Variants in CLDN10 observed in about 807,000 individuals in gnomAD.
The protein encoded by CLDN10 is claudin-10.
A neutral mutation model predicts 22.9 loss-of-function variants in CLDN10; 15 were observed. The observed-to-expected ratio is 0.65, with a 90% CI of 0.44 to 1.01. The LOEUF (loss-of-function observed/expected upper bound fraction) is 1.01, where lower values mean the gene tolerates loss of function less well. Ranked by LOEUF, CLDN10 falls within the 50% of genes least tolerant of loss-of-function variation. The probability of loss-of-function intolerance (pLI) is 0.00; values close to 1 mark genes in which losing one functional copy is unlikely to be tolerated. For missense variants in CLDN10, 247 were observed against 287.8 expected (o/e 0.86, Z 1.03); for synonymous variants, 114 against 111.4 (o/e 1.02, Z -0.15).
At chr13:95,462,114 T>C (rs1222171515) in intron 1 of CLDN10, among the ~76,000 whole-genome samples, 1 of 152,000 alleles carries the variant, frequency 6.6e-6, no homozygotes, top group Non-Finnish European at 1.5e-5. Context: ...AAATAAACAC[T>C]TTACATGCAG....
At chr13:95,498,439 G>A (rs367814052) in intron 1 of CLDN10, among the ~76,000 whole-genome samples, 36 of 152,218 alleles carry the variant, frequency 2.4e-4, no homozygotes, top group African/African-American at 7.5e-4. Flanking sequence ...CTGTTGCCCA[G>A]GCTGGAGTGC....
chr13:95,480,123 G>A (rs549878546), intron 1 of CLDN10, among the ~76,000 whole-genome samples: 23 of 152,158 alleles, frequency 1.5e-4, no homozygotes, highest in Admixed American at 1.1e-3. Context: ...GTGCGGGGGA[G>A]CTCCTTCTTA....
chr13:95,518,241 T>C (rs4558269), intron 1 of CLDN10, among the ~76,000 whole-genome samples: 131,385 of 152,144 alleles, frequency 0.86, 56,925 homozygotes, highest in East Asian at 0.96. Flanking sequence ...TGTTTAGTCG[T>C]TATTCTTTTT....
At position 95,514,386 on chromosome 13, in the gene CLDN10, C is replaced by A. The variant is rs1379573193; in HGVS notation, c.215-45746C>A. Among the ~76,000 whole-genome samples the A allele has an allele frequency of 3.3e-5, 5 of 152,030 alleles. No individual in the cohort carries two copies. In the South Asian group the frequency reaches 1.0e-3, roughly 32 times the overall value. ...AAACGTTAACAATCAGGGATTCCCCCACCTACCCCACCCACCCCACCCTCA... is the reference window on the plus strand; with the variant it reads ...AAACGTTAACAATCAGGGATTCCCCAACCTACCCCACCCACCCCACCCTCA... On this transcript the variant is annotated intron_variant, in intron 1 of 4. Coordinates refer to the CLDN10 transcript ENST00000376873.
intron 1 of CLDN10, among the ~76,000 whole-genome samples, chr13:95,538,145 G>GTTTC (rs144300567): frequency 1.5e-4 from 16 of 109,680 alleles, no homozygotes; most frequent in African/African-American, 4.9e-4. Context: ...TTGACAAACT[G>GTTTC]TTTATTTCTT....
At chr13:95,441,816 C>A (rs1256038690) in intron 1 of CLDN10, among the ~76,000 whole-genome samples, 1 of 152,100 alleles carries the variant, frequency 6.6e-6, no homozygotes, top group Non-Finnish European at 1.5e-5. Context: ...GGTCTTAATC[C>A]CTCTGAGCTT....
chr13:95,497,379 A>C (rs1356436854), intron 1 of CLDN10, among the ~76,000 whole-genome samples: 1 of 152,200 alleles, frequency 6.6e-6, no homozygotes, highest in Admixed American at 6.6e-5. Flanking sequence ...AGCATGAGCC[A>C]GGAATCAGAA....
intron 1 of CLDN10, among the ~76,000 whole-genome samples, chr13:95,464,048 T>C (rs1402366886): frequency 6.6e-6 from 1 of 151,832 alleles, no homozygotes; most frequent in Non-Finnish European, 1.5e-5. Flanking sequence ...CATTTATGTA[T>C]ACAACTGGCA....
intron 1 of CLDN10, among the ~76,000 whole-genome samples, chr13:95,531,108 CG>C (rs1322548280): frequency 6.6e-6 from 1 of 151,674 alleles, no homozygotes; most frequent in Non-Finnish European, 1.5e-5. Context: ...TTAGTAAAGA[CG>C]GGGTTTCACC....
chr13:95,538,220 CT>C (rs1426314814), intron 1 of CLDN10, among the ~76,000 whole-genome samples: 1 of 128,584 alleles, frequency 7.8e-6, no homozygotes, highest in Non-Finnish European at 1.5e-5. Context: ...ACTGCAACCT[CT>C]GCTTCCTGGG....
chr13:95,439,255 C>T (rs374789060), intron 1 of CLDN10, among the ~76,000 whole-genome samples: 17 of 152,090 alleles, frequency 1.1e-4, no homozygotes, highest in Admixed American at 3.3e-4. Flanking sequence ...AGATTCAGTG[C>T]GTGGTGAGGG....
intron 1 of CLDN10, among the ~76,000 whole-genome samples, chr13:95,541,466 C>T (rs535129087): frequency 6.6e-6 from 1 of 152,332 alleles, no homozygotes; most frequent in African/African-American, 2.4e-5. Flanking sequence ...ATGACCCCAT[C>T]ACACTCTGCG....
chr13:95,550,127 T>A (rs909875485), upstream of CLDN10, among the ~76,000 whole-genome samples: 3 of 152,228 alleles, frequency 2.0e-5, no homozygotes, highest in Non-Finnish European at 2.9e-5. Context: ...GGTGTGGCGA[T>A]GCGGCAGAGA....
At chr13:95,464,770 C>G (rs1046992775) in intron 1 of CLDN10, among the ~76,000 whole-genome samples, 6 of 151,882 alleles carry the variant, frequency 4.0e-5, no homozygotes, top group African/African-American at 1.5e-4. Context: ...CTCACTCTGT[C>G]ACCCAGGCTA....
chr13:95,458,626 T>C (rs909647346), intron 1 of CLDN10, among the ~76,000 whole-genome samples: 5 of 152,202 alleles, frequency 3.3e-5, no homozygotes, highest in Non-Finnish European at 7.3e-5. Context: ...ACTGCTCCCA[T>C]GATTCAATTA....
chr13:95,544,839 C>T (rs771800403), intron 1 of CLDN10, among the ~76,000 whole-genome samples: 3 of 151,520 alleles, frequency 2.0e-5, no homozygotes, highest in Admixed American at 6.6e-5. Flanking sequence ...TGCAGTGGTG[C>T]GATCTCAGCT....
intron 1 of CLDN10, among the ~76,000 whole-genome samples, chr13:95,504,559 T>A (rs9524990): frequency 3.8e-4 from 58 of 152,156 alleles, no homozygotes; most frequent in Non-Finnish European, 7.4e-4. Flanking sequence ...TTTATATTTT[T>A]AGTAGAGACA....
intron 1 of CLDN10, chr13:95,479,509 G>C (rs116677340): frequency 6.6e-6 from 1 of 151,938 alleles, no homozygotes; most frequent in Admixed American, 6.6e-5. Flanking sequence ...AAAATACTTC[G>C]CTATATAAAG....
At chr13:95,444,719 C>G (rs143063264) in intron 1 of CLDN10, among the ~76,000 whole-genome samples, 1 of 152,158 alleles carries the variant, frequency 6.6e-6, no homozygotes, top group African/African-American at 2.4e-5. Flanking sequence ...AGAAGAATGC[C>G]TGACATTTGA....
Sources: gnomAD v4.1 joint callset for allele counts (sites outside exome capture counted in the v4.1 genomes callset) on GRCh38, gnomAD v4.1.1 for gene constraint, MANE v1.5 for transcripts, NCBI Gene and HGNC (gene_info 2026-07-23, HGNC 2026-07-21) for gene names.